The following NRG1 variants were observed in gnomAD, a reference collection of about 807,000 sequenced individuals.
NRG1 encodes the protein pro-neuregulin-1, membrane-bound isoform.
In NRG1, 18 loss-of-function variants were observed where a neutral mutation model predicts 63.8. The ratio of observed to expected loss-of-function variants is 0.28; its 90% CI spans 0.19 to 0.42. The LOEUF is 0.42. NRG1 is among the 10% of genes least tolerant of loss of function. The probability of loss-of-function intolerance (pLI) is 1.00; values close to 1 mark genes in which losing one functional copy is unlikely to be tolerated. For missense variants in NRG1, 762 were observed against 814.7 expected, an observed-to-expected ratio of 0.94 and a Z score of 0.79; for synonymous variants, 302 against 301.3, an observed-to-expected ratio of 1.00 and a Z score of -0.02.
At chr8:32,603,025 A>C (rs1474213953) in intron 2 of NRG1, among the ~76,000 whole-genome samples, 1 of 152,182 alleles carries the variant, frequency 6.6e-6, no homozygotes, top group Non-Finnish European at 1.5e-5. Context: ...TTGCAAAGAT[A>C]CTTGTCATCA....
chr8:31,750,472 T>C (rs1816339989), intron 1 of NRG1, among the ~76,000 whole-genome samples: 1 of 151,922 alleles, frequency 6.6e-6, no homozygotes, highest in African/African-American at 2.4e-5. Context: ...TCCAAGGTGG[T>C]GATCTGTAAA....
At chr8:31,895,660 A>AT (rs1158087567) in intron 1 of NRG1, among the ~76,000 whole-genome samples, 1 of 151,862 alleles carries the variant, frequency 6.6e-6, no homozygotes, top group Non-Finnish European at 1.5e-5. Context: ...ATTAACTGTC[A>AT]TTTTTTAATT....
intron 1 of NRG1, among the ~76,000 whole-genome samples, chr8:32,239,596 G>C (rs1036820022): frequency 2.6e-5 from 4 of 151,984 alleles, no homozygotes; most frequent in African/African-American, 9.7e-5. Context: ...TTCTGTAAGA[G>C]ACCCTGTGTA....
At chr8:31,729,835 G>A (rs117216412) in intron 1 of NRG1, among the ~76,000 whole-genome samples, 5 of 152,212 alleles carry the variant, frequency 3.3e-5, no homozygotes, top group East Asian at 3.9e-4. Context: ...GCTGAATGAC[G>A]GTTACAAATC....
At chr8:31,897,651 G>A (rs1234018136) in intron 1 of NRG1, among the ~76,000 whole-genome samples, 1 of 151,996 alleles carries the variant, frequency 6.6e-6, no homozygotes, top group Non-Finnish European at 1.5e-5. Flanking sequence ...CCCTTATCTT[G>A]ACCCAGACAT....
At chr8:32,283,834 A>C (rs1033624669) in intron 1 of NRG1, among the ~76,000 whole-genome samples, 3 of 152,154 alleles carry the variant, frequency 2.0e-5, no homozygotes, top group Non-Finnish European at 4.4e-5. Flanking sequence ...AGCTGAAATT[A>C]ATCAGGCTCT....
chr8:32,709,271 A>T (rs922782633), intron 5 of NRG1, among the ~76,000 whole-genome samples: 7 of 152,174 alleles, frequency 4.6e-5, no homozygotes, highest in Non-Finnish European at 8.8e-5. Context: ...AAAACTATAT[A>T]ATATTTTTGC....
chr8:31,796,632 T>G (rs1199189982), intron 1 of NRG1, among the ~76,000 whole-genome samples: 1 of 151,668 alleles, frequency 6.6e-6, no homozygotes, highest in East Asian at 1.9e-4. Context: ...GAGATGGGGG[T>G]TTCACCGTGT....
intron 1 of NRG1, among the ~76,000 whole-genome samples, chr8:32,484,145 G>C (rs771064850): frequency 1.3e-5 from 2 of 151,898 alleles, no homozygotes; most frequent in African/African-American, 2.4e-5. Context: ...TAGAGTTTCA[G>C]GGAAAGTCAT....
chr8:31,643,580 G>T (rs1804006312), intron 1 of NRG1, among the ~76,000 whole-genome samples: 1 of 152,188 alleles, frequency 6.6e-6, no homozygotes, highest in African/African-American at 2.4e-5. Flanking sequence ...AAGACAACAT[G>T]GAAATTCATA....
intron 1 of NRG1, among the ~76,000 whole-genome samples, chr8:32,140,924 T>C (rs1415908802): frequency 6.6e-6 from 1 of 152,106 alleles, no homozygotes. Context: ...CTTTGAGCCC[T>C]TAAGTTTATG....
chr8:31,934,948 T>C (rs951302824), intron 1 of NRG1, among the ~76,000 whole-genome samples: 8 of 152,034 alleles, frequency 5.3e-5, no homozygotes, highest in Admixed American at 4.6e-4. Context: ...GTTTTTGCTT[T>C]TGTTTTTGTT....
intron 1 of NRG1, among the ~76,000 whole-genome samples, chr8:31,671,419 G>A (rs1326087119): frequency 6.6e-6 from 1 of 152,126 alleles, no homozygotes; most frequent in Non-Finnish European, 1.5e-5. Flanking sequence ...GTTGGGGATA[G>A]CGGATTTTTA....
chr8:31,750,539 C>T (rs1816346779), intron 1 of NRG1, among the ~76,000 whole-genome samples: 1 of 151,904 alleles, frequency 6.6e-6, no homozygotes, highest in South Asian at 2.1e-4. Context: ...AACTCAAGTG[C>T]ACTTAACAGT....
chr8:32,014,295 A>T (rs553886572), intron 1 of NRG1, among the ~76,000 whole-genome samples: 56 of 152,046 alleles, frequency 3.7e-4, no homozygotes, highest in African/African-American at 1.3e-3. Flanking sequence ...ATTCCTAGGT[A>T]TTTTATTCTC....
At chr8:32,363,111 C>T (rs1463406434) in intron 1 of NRG1, among the ~76,000 whole-genome samples, 3 of 152,172 alleles carry the variant, frequency 2.0e-5, no homozygotes, top group African/African-American at 7.2e-5. Context: ...ACATATGCCT[C>T]ATAGTCTGCA....
At chr8:32,660,052 T>C (rs1337644579) in intron 5 of NRG1, among the ~76,000 whole-genome samples, 1 of 152,202 alleles carries the variant, frequency 6.6e-6, no homozygotes, top group Non-Finnish European at 1.5e-5. Flanking sequence ...GAGTTATAGC[T>C]AACTCATTTT....
At chr8:31,643,578 A>G (rs1338397478) in intron 1 of NRG1, among the ~76,000 whole-genome samples, 1 of 152,256 alleles carries the variant, frequency 6.6e-6, no homozygotes, top group East Asian at 1.9e-4. Context: ...AGAAGACAAC[A>G]TGGAAATTCA....
intron 1 of NRG1, among the ~76,000 whole-genome samples, chr8:32,090,211 T>C (rs1828900630): frequency 6.6e-6 from 1 of 152,220 alleles, no homozygotes; most frequent in African/African-American, 2.4e-5. Flanking sequence ...GTAAATAAAA[T>C]AGTCGTAAGT....
Sources: gnomAD v4.1 joint callset for allele counts (sites outside exome capture counted in the v4.1 genomes callset) on GRCh38, gnomAD v4.1.1 for gene constraint, MANE v1.5 for transcripts, NCBI Gene and HGNC (gene_info 2026-07-23, HGNC 2026-07-21) for gene names.